The following EEIG2 variants were observed in gnomAD, a reference collection of about 807,000 sequenced individuals.
The protein encoded by EEIG2 is family with sequence similarity 102 member B.
the EEIG2 span, among the ~76,000 whole-genome samples, chr1:108,580,515 A>G: frequency 6.6e-6 from 1 of 152,216 alleles, no homozygotes; most frequent in Non-Finnish European, 1.5e-5. Context: ...TGCACTGAAC[A>G]TTTAGCCAAA....
the EEIG2 span, among the ~76,000 whole-genome samples, chr1:108,601,724 C>G: frequency 6.6e-6 from 1 of 151,824 alleles, no homozygotes; most frequent in East Asian, 1.9e-4. Context: ...AAACACTTGG[C>G]AAAAAAACTA....
At chr1:108,606,216 T>C in the EEIG2 span, 1 of 1,552,248 alleles carries the variant, frequency 6.4e-7, no homozygotes, top group Non-Finnish European at 8.8e-7. Context: ...TTTTCTGTCT[T>C]TGGCAGGAAT....
At chr1:108,608,459 G>A in the EEIG2 span, among the ~76,000 whole-genome samples, 1 of 152,176 alleles carries the variant, frequency 6.6e-6, no homozygotes, top group Non-Finnish European at 1.5e-5. Context: ...TAATATCTGG[G>A]ACAAATACAG....
At chr1:108,579,768 T>TGAGAGAGAGAGAGA in the EEIG2 span, among the ~76,000 whole-genome samples, 22 of 14,390 alleles carry the variant, frequency 1.5e-3, no homozygotes, top group East Asian at 0.012. Context: ...TGTGTGTGTG[T>TGAGAGAGAGAGAGA]GTGTGAGAGA....
chr1:108,585,520 C>T, the EEIG2 span, among the ~76,000 whole-genome samples: 56 of 152,236 alleles, frequency 3.7e-4, no homozygotes, highest in Admixed American at 7.2e-4. Flanking sequence ...GGAGATACCA[C>T]AGCAGGTCTG....
the EEIG2 span, among the ~76,000 whole-genome samples, chr1:108,595,570 G>C: frequency 7.2e-6 from 1 of 139,776 alleles, no homozygotes; most frequent in Non-Finnish European, 1.6e-5. Flanking sequence ...AGGGAGAGAG[G>C]GAGGAAAGGG....
At chr1:108,598,006 G>C in the EEIG2 span, among the ~76,000 whole-genome samples, 2 of 152,178 alleles carry the variant, frequency 1.3e-5, no homozygotes, top group African/African-American at 4.8e-5. Context: ...AGCAAGCCTT[G>C]AGGCCAAGAG....
chr1:108,605,581 C>T, the EEIG2 span, among the ~76,000 whole-genome samples: 1 of 152,138 alleles, frequency 6.6e-6, no homozygotes, highest in Non-Finnish European at 1.5e-5. Context: ...TATACAAACA[C>T]ATACCATGTG....
chr1:108,611,817 T>A, the EEIG2 span, among the ~76,000 whole-genome samples: 19 of 152,192 alleles, frequency 1.2e-4, no homozygotes, highest in Admixed American at 1.2e-3. Flanking sequence ...TGCTAGTATT[T>A]CCCACAGGGT....
the EEIG2 span, among the ~76,000 whole-genome samples, chr1:108,600,888 A>C: frequency 1.3e-5 from 2 of 152,020 alleles, no homozygotes; most frequent in Non-Finnish European, 2.9e-5. Flanking sequence ...TTATTCAAGA[A>C]CCTTCATCTC....
chr1:108,613,363 A>C, the EEIG2 span, among the ~76,000 whole-genome samples: 7 of 152,176 alleles, frequency 4.6e-5, no homozygotes, highest in African/African-American at 1.7e-4. Flanking sequence ...TATCTCACAA[A>C]AGTAGTCAGT....
At chr1:108,586,447 G>C in the EEIG2 span, among the ~76,000 whole-genome samples, 2 of 152,000 alleles carry the variant, frequency 1.3e-5, no homozygotes, top group Non-Finnish European at 2.9e-5. Flanking sequence ...CATTTCATAA[G>C]AGGAAATTTA....
the EEIG2 span, among the ~76,000 whole-genome samples, chr1:108,568,707 G>T: frequency 6.6e-6 from 1 of 152,202 alleles, no homozygotes. Context: ...GCTCTGTCCA[G>T]TTGTCAGGGG....
the EEIG2 span, among the ~76,000 whole-genome samples, chr1:108,612,866 C>G: frequency 6.6e-6 from 1 of 152,148 alleles, no homozygotes; most frequent in Non-Finnish European, 1.5e-5. Context: ...ATTAGATAGA[C>G]CTTTTGCAGT....
the EEIG2 span, among the ~76,000 whole-genome samples, chr1:108,574,810 GA>G: frequency 3.9e-5 from 6 of 152,224 alleles, no homozygotes; most frequent in African/African-American, 1.4e-4. Flanking sequence ...TTTTTTAAAT[GA>G]ATAAATATTT....
At chr1:108,637,851 G>C in the EEIG2 span, 1 of 152,602 alleles carries the variant, frequency 6.6e-6, no homozygotes, top group Non-Finnish European at 1.5e-5. Flanking sequence ...GATCATGAAG[G>C]CTAGTAAAGG....
At chr1:108,560,624 G>A in the EEIG2 span, 4 of 1,575,200 alleles carry the variant, frequency 2.5e-6, no homozygotes, top group Non-Finnish European at 3.4e-6. Context: ...TGTTGGATGG[G>A]CAGCATCTCT....
chr1:108,595,403 C>T, the EEIG2 span, among the ~76,000 whole-genome samples: 12 of 101,780 alleles, frequency 1.2e-4, no homozygotes, highest in African/African-American at 4.0e-4. Flanking sequence ...AAGGAAGGAG[C>T]GAGCTTTTAC....
chr1:108,579,772 T>TGAGAGAGAGAGAGAGAGA, the EEIG2 span, among the ~76,000 whole-genome samples: 2,237 of 58,794 alleles, frequency 0.038, 117 homozygotes, highest in Non-Finnish European at 0.042. Context: ...TGTGTGTGTG[T>TGAGAGAGAGAGAGAGAGA]GAGAGAGAGA....
Sources: gnomAD v4.1 joint callset for allele counts (sites outside exome capture counted in the v4.1 genomes callset) on GRCh38, gnomAD v4.1.1 for gene constraint, MANE v1.5 for transcripts, NCBI Gene and HGNC (gene_info 2026-07-23, HGNC 2026-07-21) for gene names.